ZNF99: variants seen among roughly 807,000 people sequenced by gnomAD.
The protein encoded by ZNF99 is zinc finger protein ENSP00000375192.
ZNF99 carries 8 observed loss-of-function variants against 12.8 expected under a neutral mutation model. That is an observed-to-expected ratio of 0.62 (90% CI 0.37 to 1.13). ZNF99 has a LOEUF of 1.13. ZNF99 is among the 50% of genes most tolerant of loss of function. The pLI, the probability that ZNF99 is intolerant of heterozygous loss-of-function variation, is 0.02. For synonymous variants in ZNF99, 318 were observed against 319.0 expected, an observed-to-expected ratio of 1.00 and a Z score of 0.03; for missense variants, 1,007 against 1,006.2, an observed-to-expected ratio of 1.00 and a Z score of -0.01.
intron 1 of ZNF99, among the ~76,000 whole-genome samples, chr19:22,781,403 C>CTTTTTTTTTTTTTTT (rs35970718): frequency 1.1e-5 from 1 of 87,946 alleles, no homozygotes; most frequent in Non-Finnish European, 2.2e-5. Flanking sequence ...ATTGGGGTCA[C>CTTTTTTTTTTTTTTT]TTTTTTTTTT....
intron 1 of ZNF99, among the ~76,000 whole-genome samples, chr19:22,780,037 T>C (rs1212203730): frequency 6.6e-6 from 1 of 152,178 alleles, no homozygotes; most frequent in Admixed American, 6.5e-5. Context: ...GTCCCCAGCT[T>C]TCCAGGGTTC....
At chr19:22,781,162 CT>C (rs767127499) in intron 1 of ZNF99, among the ~76,000 whole-genome samples, 3 of 152,128 alleles carry the variant, frequency 2.0e-5, no homozygotes, top group Non-Finnish European at 4.4e-5. Context: ...TCAATCCCTA[CT>C]AACAAAATGC....
chr19:22,783,204 T>C (rs1423433561), intron 1 of ZNF99, among the ~76,000 whole-genome samples: 4 of 151,934 alleles, frequency 2.6e-5, no homozygotes, highest in Non-Finnish European at 4.4e-5. Context: ...CGCTTGAACC[T>C]GGGAGGCGGA....
intron 1 of ZNF99, among the ~76,000 whole-genome samples, chr19:22,776,909 G>T (rs1476566555): frequency 1.3e-5 from 2 of 152,138 alleles, no homozygotes; most frequent in Non-Finnish European, 2.9e-5. Context: ...ACTCTGGGAG[G>T]CTGAGGCAGG....
At chr19:22,781,633 T>TA (rs1197671685) in intron 1 of ZNF99, among the ~76,000 whole-genome samples, 1 of 152,140 alleles carries the variant, frequency 6.6e-6, no homozygotes, top group East Asian at 1.9e-4. Flanking sequence ...AAGACAATCT[T>TA]AATGTCTCAA....
chr19:22,774,622 C>G (rs1973305739), intron 1 of ZNF99, among the ~76,000 whole-genome samples: 1 of 152,164 alleles, frequency 6.6e-6, no homozygotes, highest in African/African-American at 2.4e-5. Flanking sequence ...GTAATCCCAG[C>G]ACTTTGGGAG....
chr19:22,775,910 T>G (rs1160404156), intron 1 of ZNF99, among the ~76,000 whole-genome samples: 1 of 151,710 alleles, frequency 6.6e-6, no homozygotes, highest in African/African-American at 2.4e-5. Context: ...TAATCTCAGC[T>G]TCTCGGGAGG....
chr19:22,783,864 G>T, intron 1 of ZNF99, 150 bp downstream of exon 1: 1 of 1,032,808 alleles, frequency 9.7e-7, no homozygotes, highest in Non-Finnish European at 1.5e-6. Flanking sequence ...CCATCTTATG[G>T]CTGAAGGAGA....
intron 3 of ZNF99, among the ~76,000 whole-genome samples, chr19:22,763,903 C>CT (rs1349512561): frequency 0.01 from 1,279 of 125,984 alleles, 10 homozygotes; most frequent in Non-Finnish European, 0.015. Context: ...TTTTTTCTTT[C>CT]CTTTTTTTTT....
chr19:22,779,431 G>A (rs1168069451), intron 1 of ZNF99, among the ~76,000 whole-genome samples: 1 of 152,238 alleles, frequency 6.6e-6, no homozygotes, highest in South Asian at 2.1e-4. Flanking sequence ...GGCTAAGGCA[G>A]GAGAATAGCT....
chr19:22,773,955 TTTA>T (rs985681945), intron 1 of ZNF99: 2 of 152,476 alleles, frequency 1.3e-5, no homozygotes, highest in African/African-American at 4.8e-5. Context: ...AGCCTCAGTT[TTTA>T]TTTACAATGG....
chr19:22,782,007 T>C (rs1199174648), intron 1 of ZNF99, among the ~76,000 whole-genome samples: 5 of 152,072 alleles, frequency 3.3e-5, no homozygotes, highest in Admixed American at 3.3e-4. Flanking sequence ...GGGATTATTT[T>C]TTGCTTTCTT....
Position 22,757,015 on chromosome 19 carries a change from A to T in ZNF99, c.*299T>A, listed in dbSNP as rs1191622546. The T allele has an allele frequency of 6.2e-7, 1 of 1,612,796 alleles. No individual in the cohort carries two copies. The highest frequency in any genetic ancestry group is 1.3e-5 in the African/African-American group (1 of 74,882). ...TCCTAAGGGCTGAGAAATTGCTAAA[A>T]GCTTTGCCACATTCTTCACATTTGT... is the stretch of plus-strand genomic sequence containing the variant. On this transcript the variant is annotated 3_prime_UTR_variant, in exon 4 of 4. Transcript: ENST00000596209.
At chr19:22,781,648 T>C (rs1336773198) in intron 1 of ZNF99, among the ~76,000 whole-genome samples, 2 of 152,004 alleles carry the variant, frequency 1.3e-5, no homozygotes, top group African/African-American at 4.8e-5. Flanking sequence ...TCTCAAGGGT[T>C]AGCTTTTCAA....
At chr19:22,779,252 G>A (rs111733112) in intron 1 of ZNF99, among the ~76,000 whole-genome samples, 27 of 152,134 alleles carry the variant, frequency 1.8e-4, no homozygotes, top group African/African-American at 5.1e-4. Context: ...CGGGCCGGGC[G>A]CGGTAGCTCA....
intron 1 of ZNF99, among the ~76,000 whole-genome samples, chr19:22,777,465 A>C (rs1159563530): frequency 6.6e-6 from 1 of 152,186 alleles, no homozygotes; most frequent in East Asian, 1.9e-4. Context: ...AATAATCTGC[A>C]CACCAACTCC....
At chr19:22,768,897 T>G (rs1220488348) in intron 2 of ZNF99, among the ~76,000 whole-genome samples, 4 of 151,818 alleles carry the variant, frequency 2.6e-5, no homozygotes, top group Admixed American at 2.0e-4. Flanking sequence ...GGTGTGGTGG[T>G]GCATGCCTGT....
intron 1 of ZNF99, among the ~76,000 whole-genome samples, chr19:22,771,885 T>C (rs1973276671): frequency 7.7e-6 from 1 of 130,282 alleles, no homozygotes; most frequent in Non-Finnish European, 1.6e-5. Flanking sequence ...GCCCGGCTAA[T>C]TTTTGTATTT....
At chr19:22,776,900 C>A (rs1973336031) in intron 1 of ZNF99, among the ~76,000 whole-genome samples, 1 of 151,966 alleles carries the variant, frequency 6.6e-6, no homozygotes, top group African/African-American at 2.4e-5. Context: ...AGTTCCAGCA[C>A]TCTGGGAGGC....
Sources: gnomAD v4.1 joint callset for allele counts (sites outside exome capture counted in the v4.1 genomes callset) on GRCh38, gnomAD v4.1.1 for gene constraint, MANE v1.5 for transcripts, NCBI Gene and HGNC (gene_info 2026-07-23, HGNC 2026-07-21) for gene names.